CAP2: variants seen among roughly 807,000 people sequenced by gnomAD.
CAP2 encodes cyclase associated actin cytoskeleton regulatory protein 2.
A neutral mutation model predicts 57.7 loss-of-function variants in CAP2; 24 were observed. The ratio of observed to expected loss-of-function variants is 0.42; its 90% CI spans 0.30 to 0.58. CAP2 has a LOEUF of 0.58. CAP2 is among the 20% of genes least tolerant of loss of function. The pLI, the probability that CAP2 is intolerant of heterozygous loss-of-function variation, is 0.22. For synonymous variants in CAP2, 194 were observed against 207.2 expected, an observed-to-expected ratio of 0.94 and a Z score of 0.55; for missense variants, 501 against 590.3, an observed-to-expected ratio of 0.85 and a Z score of 1.57.
chr6:17,394,669 C>T (rs1758625508), intron 1 of CAP2, among the ~76,000 whole-genome samples: 2 of 152,128 alleles, frequency 1.3e-5, no homozygotes, highest in Admixed American at 6.5e-5. Context: ...ACTGAGTACT[C>T]CTATTTCCTT....
intron 1 of CAP2, among the ~76,000 whole-genome samples, chr6:17,398,518 C>T (rs1001573319): frequency 6.7e-6 from 1 of 148,652 alleles, no homozygotes; most frequent in Non-Finnish European, 1.5e-5. Flanking sequence ...ATAAAATTTA[C>T]GATTTTAAAC....
intron 4 of CAP2, among the ~76,000 whole-genome samples, chr6:17,497,531 G>T (rs984563091): frequency 2.0e-5 from 3 of 152,198 alleles, no homozygotes; most frequent in African/African-American, 4.8e-5. Flanking sequence ...AAAACGTCTG[G>T]TTTCTCTCTG....
At chr6:17,434,214 T>C (rs1759813848) in intron 3 of CAP2, among the ~76,000 whole-genome samples, 1 of 149,148 alleles carries the variant, frequency 6.7e-6, no homozygotes. Flanking sequence ...TTCTTTTCTT[T>C]TTTTTTCTCT....
intron 1 of CAP2, among the ~76,000 whole-genome samples, chr6:17,416,167 T>TTTTTTTTTTTTTTTTTG: frequency 6.6e-6 from 1 of 151,080 alleles, no homozygotes; most frequent in Non-Finnish European, 1.5e-5. Context: ...AAAACTCTTT[T>TTTTTTTTTTTTTTTTTG]AAACATGTTG....
intron 4 of CAP2, among the ~76,000 whole-genome samples, chr6:17,498,594 C>CAA (rs1761724842): frequency 6.6e-6 from 1 of 152,114 alleles, no homozygotes; most frequent in African/African-American, 2.4e-5. Flanking sequence ...CTGAAGATGT[C>CAA]AGTAAAGGGG....
At chr6:17,435,681 T>TAAAAAAAAAA (rs71002211) in intron 3 of CAP2, among the ~76,000 whole-genome samples, 76 of 67,392 alleles carry the variant, frequency 1.1e-3, no homozygotes, top group East Asian at 2.7e-3. Context: ...TAGAGTATAA[T>TAAAAAAAAAA]AAAAAAAAAA....
At chr6:17,443,789 G>T (rs1472659186) in intron 3 of CAP2, among the ~76,000 whole-genome samples, 1 of 151,964 alleles carries the variant, frequency 6.6e-6, no homozygotes, top group Non-Finnish European at 1.5e-5. Context: ...CCAACCTTCA[G>T]TATTTTTTTC....
At position 17,513,502 on chromosome 6, in the gene CAP2, G is replaced by A. The variant is rs1172071926; in HGVS notation, c.531-347G>A. Among the ~76,000 whole-genome samples, 2 of 152,008 alleles carry A rather than the reference G, an allele frequency of 1.3e-5. No individual in the cohort carries two copies. Among genetic ancestry groups the A allele is most frequent in the African/African-American group, 4.8e-5 (2 of 41,364 alleles). On this transcript the variant is annotated intron_variant, in intron 6 of 12. Transcript: ENST00000229922. The surrounding 1 kb of genome is among the most constrained non-coding windows in gnomAD (Gnocchi z 4.3). ...TTTTGCATCAGAAGCAGTGCAGAAA[G>A]AAACAGTCTCCCCTCCACGCCCCCG... is the stretch of plus-strand genomic sequence containing the variant.
At chr6:17,440,633 G>GTGTA (rs1760048095) in intron 3 of CAP2, among the ~76,000 whole-genome samples, 1 of 150,914 alleles carries the variant, frequency 6.6e-6, no homozygotes, top group East Asian at 1.9e-4. Flanking sequence ...GTGTGTGTGT[G>GTGTA]TGTGTGTGTG....
rs1305040580 is a variant in CAP2 at position 17,531,380 on chromosome 6, G to C, written c.637-7889G>C. 44 of 1,593,618 alleles carry C rather than the reference G, an allele frequency of 2.8e-5. 1 individual carries two copies. In the East Asian group the frequency reaches 9.6e-4, roughly 35 times the overall value. ...GATCCTGATGACAAACGCCAATTTGGGTTCTGCAGGTACATAGAAGTTGCC... is the reference window on the plus strand; with the variant it reads ...GATCCTGATGACAAACGCCAATTTGCGTTCTGCAGGTACATAGAAGTTGCC... On this transcript the variant is annotated intron_variant, in intron 7 of 12. Transcript: ENST00000229922.
At chr6:17,411,600 T>A (rs899664304) in intron 1 of CAP2, among the ~76,000 whole-genome samples, 1 of 152,248 alleles carries the variant, frequency 6.6e-6, no homozygotes, top group Non-Finnish European at 1.5e-5. Context: ...TCTGGGAAGA[T>A]GTCTATTTAG....
intron 1 of CAP2, among the ~76,000 whole-genome samples, chr6:17,418,102 G>T (rs996342612): frequency 1.4e-4 from 21 of 152,150 alleles, no homozygotes; most frequent in African/African-American, 5.1e-4. Context: ...CCTCATTCTT[G>T]AGAGCCAGGC....
intron 4 of CAP2, among the ~76,000 whole-genome samples, chr6:17,466,409 G>A (rs879823607): frequency 6.6e-6 from 1 of 152,150 alleles, no homozygotes; most frequent in Non-Finnish European, 1.5e-5. Flanking sequence ...GTTCTAAAAT[G>A]TTCCCAGGTG....
intron 1 of CAP2, among the ~76,000 whole-genome samples, chr6:17,417,283 T>C (rs537766717): frequency 6.6e-6 from 1 of 151,598 alleles, no homozygotes; most frequent in Admixed American, 6.6e-5. Flanking sequence ...GATTTTTTTT[T>C]TTTTTTTTCT....
intron 2 of CAP2, among the ~76,000 whole-genome samples, chr6:17,424,322 C>G (rs560240107): frequency 3.3e-5 from 5 of 152,250 alleles, no homozygotes; most frequent in South Asian, 4.1e-4. Flanking sequence ...ATGGCGTGAA[C>G]CCGGGAGGCG....
At position 17,438,974 on chromosome 6, in the gene CAP2, G is replaced by A. The variant is rs564943055; in HGVS notation, c.222+12284G>A. On this transcript the variant is annotated intron_variant, in intron 3 of 12. Coordinates refer to ENST00000229922, the MANE Select transcript of CAP2 (RefSeq NM_006366.3). ...AAAAACACAAAAATTAGCCGGGCGT[G>A]GTAGTGCACACCTGTAATCCCAGCT... Among the ~76,000 whole-genome samples the A allele has an allele frequency of 1.2e-4, 18 of 150,690 alleles. No homozygotes were observed. In the South Asian group the frequency reaches 3.7e-3, roughly 31 times the overall value.
At chr6:17,481,598 C>G (rs1376061232) in intron 4 of CAP2, among the ~76,000 whole-genome samples, 1 of 152,184 alleles carries the variant, frequency 6.6e-6, no homozygotes, top group African/African-American at 2.4e-5. Context: ...GCATAACATT[C>G]TGATTCATTT....
At chr6:17,515,991 G>A (rs7765249) in intron 7 of CAP2, among the ~76,000 whole-genome samples, 2,623 of 152,222 alleles carry the variant, frequency 0.017, 82 homozygotes, top group African/African-American at 0.059. Context: ...AAAATTTACC[G>A]AACTCATATT....
intron 4 of CAP2, among the ~76,000 whole-genome samples, chr6:17,506,486 T>C (rs896379472): frequency 1.3e-5 from 2 of 151,858 alleles, no homozygotes; most frequent in African/African-American, 4.8e-5. Context: ...CTGCTAAAAA[T>C]AAAATTATCT....
Sources: allele counts gnomAD v4.1 joint callset (sites outside exome capture counted in the v4.1 genomes callset), GRCh38; gene constraint gnomAD v4.1.1; non-coding constraint Gnocchi (gnomAD v3.1); transcripts MANE v1.5; gene names NCBI Gene and HGNC (gene_info 2026-07-23, HGNC 2026-07-21).